KLHL32: variants seen among roughly 807,000 people sequenced by gnomAD.
The protein encoded by KLHL32 is kelch-like protein 32.
A neutral mutation model predicts 64.8 loss-of-function variants in KLHL32; 35 were observed. The ratio of observed to expected loss-of-function variants is 0.54; its 90% CI spans 0.41 to 0.72. The LOEUF (loss-of-function observed/expected upper bound fraction) is 0.72. Among genes scored for constraint, KLHL32 ranks in the 30% least tolerant of loss-of-function variants. The pLI, the probability that KLHL32 is intolerant of heterozygous loss-of-function variation, is 0.00. For synonymous variants in KLHL32, 259 were observed against 281.0 expected (o/e 0.92, Z 0.78); for missense variants, 589 against 768.5 (o/e 0.77, Z 2.76).
chr6:97,068,755 C>T (rs897557232), intron 5 of KLHL32, among the ~76,000 whole-genome samples: 4 of 152,170 alleles, frequency 2.6e-5, no homozygotes, highest in South Asian at 4.1e-4. Context: ...GGGTTCATCT[C>T]CCTCTTTTTA....
At chr6:96,998,691 A>G (rs1778678279) in intron 3 of KLHL32, among the ~76,000 whole-genome samples, 2 of 152,208 alleles carry the variant, frequency 1.3e-5, no homozygotes, top group African/African-American at 4.8e-5. Context: ...AGCAAGTACT[A>G]CTGAGTCCTG....
intron 3 of KLHL32, among the ~76,000 whole-genome samples, chr6:97,034,450 C>T (rs959809184): frequency 2.0e-4 from 31 of 151,982 alleles, no homozygotes; most frequent in African/African-American, 7.2e-4. Flanking sequence ...AAGTGTGATG[C>T]CTCCAGCATG....
chr6:96,913,458 A>G, the KLHL32 span, among the ~76,000 whole-genome samples: 1 of 152,256 alleles, frequency 6.6e-6, no homozygotes, highest in East Asian at 1.9e-4. Context: ...CTCAGGGGAA[A>G]AGCCCTAATT....
intron 5 of KLHL32, among the ~76,000 whole-genome samples, chr6:97,083,667 A>G (rs1792936714): frequency 6.6e-6 from 1 of 152,246 alleles, no homozygotes; most frequent in Non-Finnish European, 1.5e-5. Context: ...TTATCTCTGC[A>G]TGGTGAAATT....
chr6:96,966,848 A>G (rs907957161), intron 1 of KLHL32, 148 bp from the exon 2 acceptor site: 1 of 484,020 alleles, frequency 2.1e-6, no homozygotes, highest in Admixed American at 3.1e-5. Context: ...TGTTTGTTAA[A>G]GGAGCATTGT....
At chr6:97,135,322 T>TTTTTTTTTTTTC in intron 10 of KLHL32, among the ~76,000 whole-genome samples, 1 of 112,276 alleles carries the variant, frequency 8.9e-6, no homozygotes, top group Non-Finnish European at 1.8e-5. Flanking sequence ...TTTTTTTTTT[T>TTTTTTTTTTTTC]CCTGAGAGTG....
intron 3 of KLHL32, among the ~76,000 whole-genome samples, chr6:97,028,169 G>A (rs778116386): frequency 2.6e-5 from 4 of 151,978 alleles, no homozygotes; most frequent in South Asian, 2.1e-4. Flanking sequence ...TGGGGCTTTC[G>A]TTAAAACTCA....
In KLHL32 at chr6:97,130,761, A is replaced by G. The variant is rs556877131; in HGVS notation, c.1418A>G (p.Lys473Arg). The change falls in exon 9 of 11, where the codon AAG becomes AGG. Residue 473 changes from lysine to arginine, a missense_variant. Lys to Arg is a conservative substitution (Grantham distance 26). Around this residue, in one of 3 missense-constraint regions of KLHL32, gnomAD observed 172 missense variants for 192.0 expected, o/e 0.90. Coordinates refer to ENST00000369261, the MANE Select transcript of KLHL32 (RefSeq NM_052904.4). ...CACTTAAATTTCTTTTTTCAGAATAAGTGGATAAGCCGTAGCCCCATGCTG... is the reference window on the plus strand; with the variant it reads ...CACTTAAATTTCTTTTTTCAGAATAGGTGGATAAGCCGTAGCCCCATGCTG... ...RLMVYEPNQN[K>R]WISRSPMLQR... 1 of 1,599,768 alleles carries G rather than the reference A, an allele frequency of 6.3e-7. No individual in the cohort carries two copies. Among genetic ancestry groups the G allele is most frequent in the African/African-American group, 1.3e-5 (1 of 74,190 alleles).
chr6:97,015,885 C>A (rs915638857), intron 3 of KLHL32, among the ~76,000 whole-genome samples: 2 of 152,112 alleles, frequency 1.3e-5, no homozygotes, highest in African/African-American at 4.8e-5. Context: ...TGCATCTCAG[C>A]CATGGCTAAA....
chr6:97,119,634 AAGTT>A (rs1404552394), intron 7 of KLHL32, among the ~76,000 whole-genome samples: 3 of 152,222 alleles, frequency 2.0e-5, no homozygotes, highest in African/African-American at 4.8e-5. Flanking sequence ...CCTTGGCAAA[AAGTT>A]AGGATAAAGC....
intron 3 of KLHL32, among the ~76,000 whole-genome samples, chr6:97,030,936 G>A (rs1234754088): frequency 6.6e-6 from 1 of 152,188 alleles, no homozygotes; most frequent in Non-Finnish European, 1.5e-5. Flanking sequence ...TTTATTGCAT[G>A]TATGCACTCC....
intron 2 of KLHL32, among the ~76,000 whole-genome samples, chr6:96,969,490 C>T (rs1270405082): frequency 6.6e-6 from 1 of 152,080 alleles, no homozygotes; most frequent in East Asian, 1.9e-4. Context: ...GATGCATTTG[C>T]TTGAGAAAAC....
Position 97,140,522 on chromosome 6 carries a change from A to G in KLHL32, c.*1240A>G, listed in dbSNP as rs1800576387. ...GCTTTGTCTATAACAAAAAATAAAT[A>G]CAACAACTTAATAATCACATTTGAA... On this transcript the variant is annotated 3_prime_UTR_variant, in exon 11 of 11. Transcript: ENST00000369261. 6.6e-6 allele frequency: 1 copy of G among 152,064 alleles called. No individual in the cohort carries two copies. The highest frequency in any genetic ancestry group is 2.4e-5 in the African/African-American group (1 of 41,448). 9.4% of individuals were successfully genotyped at this position (152,064 alleles called of 1,614,324 possible). A position where few individuals can be genotyped will look rare whatever the true frequency, so the allele number is the denominator to read the frequency against.
rs145779332 is a variant in KLHL32 at position 97,078,457 on chromosome 6, G to A, written c.412-6669G>A. Among the ~76,000 whole-genome samples the A allele has an allele frequency of 2.0e-3, 312 of 152,254 alleles. 1 individual carries two copies. The highest frequency in any genetic ancestry group is 7.0e-3 in the African/African-American group (289 of 41,556). On this transcript the variant is annotated intron_variant, in intron 5 of 10. Coordinates refer to ENST00000369261, the MANE Select transcript of KLHL32 (RefSeq NM_052904.4). The stretch of plus-strand genomic sequence containing the variant: ...ATTATAATTACATTGATGAAACAAA[G>A]CATTGTTAAAATAGCCACATCTGTT...
intron 6 of KLHL32, among the ~76,000 whole-genome samples, chr6:97,087,117 A>G (rs1476456289): frequency 2.0e-5 from 3 of 152,232 alleles, no homozygotes; most frequent in Non-Finnish European, 4.4e-5. Context: ...GCTGCAGGCA[A>G]TAATTTTTTT....
At chr6:97,104,750 TG>T (rs1252622244) in intron 6 of KLHL32, among the ~76,000 whole-genome samples, 1 of 152,226 alleles carries the variant, frequency 6.6e-6, no homozygotes, top group Non-Finnish European at 1.5e-5. Flanking sequence ...AGGTGAGCAC[TG>T]TTATAATTTT....
chr6:97,077,964 C>A (rs1330212021), intron 5 of KLHL32, among the ~76,000 whole-genome samples: 1 of 152,126 alleles, frequency 6.6e-6, no homozygotes, highest in Non-Finnish European at 1.5e-5. Flanking sequence ...AGCTTAGTGA[C>A]AAGCTTATGT....
chr6:97,114,087 A>AT lies in KLHL32; in HGVS notation c.933dup (p.Pro312SerfsTer3). ...AAGGTCAAGGAACTTCGGTACTTCA[A>AT]TCCTGTTGATCAGGAGAATGCTCTC... On this transcript the variant is annotated frameshift_variant, in exon 7 of 11. Transcript: ENST00000369261. LOFTEE classifies it high-confidence loss of function. 1 of 1,614,224 alleles carries AT rather than the reference A, an allele frequency of 6.2e-7. No individual in the cohort carries two copies. Among genetic ancestry groups the AT allele is most frequent in the Non-Finnish European group, 8.5e-7 (1 of 1,180,040 alleles).
At chr6:97,035,441 T>C (rs1057050305) in intron 3 of KLHL32, among the ~76,000 whole-genome samples, 1 of 152,172 alleles carries the variant, frequency 6.6e-6, no homozygotes, top group African/African-American at 2.4e-5. Context: ...TATGTTTTCT[T>C]ATGCTTTCAC....
Sources: gnomAD v4.1 joint callset for allele counts (sites outside exome capture counted in the v4.1 genomes callset) on GRCh38, gnomAD v4.1.1 for gene constraint, gnomAD v4.1.1 regional missense constraint, MANE v1.5 for transcripts, NCBI Gene and HGNC (gene_info 2026-07-23, HGNC 2026-07-21) for gene names.